Variants in ARL6IP6 observed in about 807,000 individuals in gnomAD.
ARL6IP6 encodes ARF like GTPase 6 interacting protein 6, also known as ADP-ribosylation factor-like protein 6-interacting protein 6.
A neutral mutation model predicts 21.5 loss-of-function variants in ARL6IP6; 22 were observed. The observed-to-expected ratio is 1.02, with a 90% CI of 0.73 to 1.46. The LOEUF is 1.46. Among genes scored for constraint, ARL6IP6 ranks in the 40% most tolerant of loss-of-function variants. ARL6IP6 has a pLI of 0.00. For synonymous variants in ARL6IP6, 164 were observed against 125.3 expected, an observed-to-expected ratio of 1.31 and a Z score of -2.06; for missense variants, 388 against 299.8, an observed-to-expected ratio of 1.29 and a Z score of -2.17.
chr2:152,724,476 A>G (rs1048966862), intron 2 of ARL6IP6, among the ~76,000 whole-genome samples: 13 of 152,244 alleles, frequency 8.5e-5, no homozygotes, highest in Non-Finnish European at 1.8e-4. Context: ...TCTAGGTAGT[A>G]TAGCAAGGCA....
intron 3 of ARL6IP6, among the ~76,000 whole-genome samples, chr2:152,744,025 A>G (rs1448022968): frequency 1.3e-5 from 2 of 152,152 alleles, no homozygotes; most frequent in East Asian, 1.9e-4. Context: ...TTACAAGTGA[A>G]CATGAGTCTT....
chr2:152,731,218 A>G (rs1700294295), intron 2 of ARL6IP6, among the ~76,000 whole-genome samples: 1 of 152,204 alleles, frequency 6.6e-6, no homozygotes. Flanking sequence ...AGAAATGAAC[A>G]CAGAGCCCAT....
At chr2:152,742,764 C>T (rs2092977590) in intron 3 of ARL6IP6, among the ~76,000 whole-genome samples, 1 of 151,856 alleles carries the variant, frequency 6.6e-6, no homozygotes, top group African/African-American at 2.4e-5. Context: ...TAAGAGAGTC[C>T]TATTAAACAT....
intron 2 of ARL6IP6, among the ~76,000 whole-genome samples, chr2:152,727,734 G>C (rs1353572640): frequency 2.0e-5 from 3 of 148,858 alleles, no homozygotes; most frequent in Non-Finnish European, 4.5e-5. Context: ...CAGGTCTGTA[G>C]CATTGGAATA....
rs529634547 is a variant in ARL6IP6, at chr2:152,758,640, C to T, written c.588-1107C>T. On this transcript the variant is annotated intron_variant, in intron 3 of 3. Coordinates refer to ENST00000326446, the MANE Select transcript of ARL6IP6 (RefSeq NM_152522.7). The stretch of plus-strand genomic sequence containing the variant: ...TTGAGTCGAAAGTAAATAATAACTC[C>T]CTTGGAACAGAGCAGGGAACCATCA... 1.8e-3 allele frequency among the ~76,000 whole-genome samples: 267 copies of T among 152,156 alleles called. 1 individual carries two copies. The highest frequency in any genetic ancestry group is 6.2e-3 in the African/African-American group (259 of 41,502).
chr2:152,722,124 A>C (rs572587351), intron 2 of ARL6IP6, among the ~76,000 whole-genome samples: 5 of 152,324 alleles, frequency 3.3e-5, no homozygotes, highest in African/African-American at 1.2e-4. Context: ...TATCTGAAGG[A>C]ATGGCTTGCT....
chr2:152,759,106 T>C (rs1474832290), intron 3 of ARL6IP6, among the ~76,000 whole-genome samples: 2 of 152,156 alleles, frequency 1.3e-5, no homozygotes, highest in Admixed American at 1.3e-4. Context: ...TGTTACAAGA[T>C]AAAGGAAACA....
chr2:152,741,858 A>G (rs566028726), intron 3 of ARL6IP6, among the ~76,000 whole-genome samples: 2 of 152,352 alleles, frequency 1.3e-5, no homozygotes, highest in African/African-American at 2.4e-5. Flanking sequence ...AAACTTGTCA[A>G]TTAGTAAGCT....
At chr2:152,744,061 G>C (rs1039886914) in intron 3 of ARL6IP6, among the ~76,000 whole-genome samples, 9 of 152,030 alleles carry the variant, frequency 5.9e-5, no homozygotes, top group Non-Finnish European at 1.2e-4. Flanking sequence ...GAATTGTTTT[G>C]AAAAGAAATC....
At chr2:152,759,702 A>G (rs764935873) in intron 3 of ARL6IP6, 45 bp from the exon 4 acceptor site, 1 of 1,497,748 alleles carries the variant, frequency 6.7e-7, no homozygotes, top group Non-Finnish European at 9.3e-7. Flanking sequence ...TTGTTATACC[A>G]CGTTACATTT....
chr2:152,739,746 A>C (rs1248207782), intron 3 of ARL6IP6, among the ~76,000 whole-genome samples: 1 of 152,240 alleles, frequency 6.6e-6, no homozygotes, highest in African/African-American at 2.4e-5. Context: ...ACTGTTAATA[A>C]AGATATACCT....
intron 3 of ARL6IP6, among the ~76,000 whole-genome samples, chr2:152,742,403 A>T (rs1700853978): frequency 6.6e-6 from 1 of 151,986 alleles, no homozygotes; most frequent in African/African-American, 2.4e-5. Flanking sequence ...TGCTGCCTCT[A>T]CAAAAAATTT....
intron 2 of ARL6IP6, among the ~76,000 whole-genome samples, chr2:152,723,969 A>C (rs17400806): frequency 6.6e-6 from 1 of 152,048 alleles, no homozygotes; most frequent in Admixed American, 6.5e-5. Flanking sequence ...CTCTATTAAG[A>C]AAGTGTTACA....
intron 2 of ARL6IP6, among the ~76,000 whole-genome samples, chr2:152,734,589 C>T (rs572709080): frequency 5.9e-5 from 9 of 152,274 alleles, no homozygotes; most frequent in Admixed American, 5.2e-4. Context: ...CTCCTGGCCC[C>T]AAACCATCCT....
At chr2:152,724,716 A>G (rs1230965941) in intron 2 of ARL6IP6, among the ~76,000 whole-genome samples, 3 of 152,230 alleles carry the variant, frequency 2.0e-5, no homozygotes, top group Non-Finnish European at 2.9e-5. Flanking sequence ...TGGCATCAGA[A>G]TCACCTGAAA....
rs982597042 is a variant in ARL6IP6 at position 152,762,359 on chromosome 2, G to A, written c.*2519G>A. On this transcript the variant is annotated 3_prime_UTR_variant, in exon 4 of 4. Coordinates refer to ENST00000326446, the MANE Select transcript of ARL6IP6 (RefSeq NM_152522.7). ...GGCAATCCTGCCATTCTTGATACGT[G>A]AGTCAATAAATTTCTGTCTTTTGGC... is the stretch of plus-strand genomic sequence containing the variant. Among the ~76,000 whole-genome samples, 1 of 152,172 alleles carries A rather than the reference G, an allele frequency of 6.6e-6. No individual in the cohort carries two copies. Among genetic ancestry groups the A allele is most frequent in the Non-Finnish European group, 1.5e-5 (1 of 68,032 alleles).
In ARL6IP6 at chr2:152,759,761, A is replaced by G. The variant is rs1701746663; in HGVS notation, c.602A>G (p.His201Arg). Residue 201 changes from histidine (H) to arginine (R), a missense_variant, in exon 4 of 4, where the codon CAT becomes CGT. By Grantham distance (29) the His-to-Arg change is conservative. Transcript: ENST00000326446. ...SPARFKKLTG[H>R]SFHMGYSMAI... ...TTTTTTTCTAGGAAACTGACTGGAC[A>G]TTCTTTCCACATGGGCTATAGCATG... 1 of 1,613,054 alleles carries G rather than the reference A, an allele frequency of 6.2e-7. No individual in the cohort carries two copies. Among genetic ancestry groups the G allele is most frequent in the Non-Finnish European group, 8.5e-7 (1 of 1,179,246 alleles).
intron 2 of ARL6IP6, among the ~76,000 whole-genome samples, chr2:152,734,691 C>G (rs996446154): frequency 6.6e-6 from 1 of 152,106 alleles, no homozygotes; most frequent in African/African-American, 2.4e-5. Flanking sequence ...AATGTTTTGA[C>G]CATGTTTTCT....
At chr2:152,724,957 C>T (rs1417879602) in intron 2 of ARL6IP6, among the ~76,000 whole-genome samples, 1 of 151,942 alleles carries the variant, frequency 6.6e-6, no homozygotes, top group Non-Finnish European at 1.5e-5. Context: ...TTTACGGAAT[C>T]TTAGACCCTA....
Sources: allele counts gnomAD v4.1 joint callset (sites outside exome capture counted in the v4.1 genomes callset), GRCh38; gene constraint gnomAD v4.1.1; transcripts MANE v1.5; gene names NCBI Gene and HGNC (gene_info 2026-07-23, HGNC 2026-07-21).